EPB41L3: variants seen among roughly 807,000 people sequenced by gnomAD.
The protein encoded by EPB41L3 is erythrocyte membrane protein band 4.1 like 3.
EPB41L3 carries 57 observed loss-of-function variants against 127.1 expected under a neutral mutation model. The ratio of observed to expected loss-of-function variants is 0.45; its 90% CI spans 0.36 to 0.56. EPB41L3 has a LOEUF of 0.56. EPB41L3 is among the 20% of genes least tolerant of loss of function. The pLI is 0.00. For synonymous variants in EPB41L3, 572 were observed against 549.5 expected, an observed-to-expected ratio of 1.04 and a Z score of -0.57; for missense variants, 1,273 against 1,372.2, an observed-to-expected ratio of 0.93 and a Z score of 1.14.
intron 1 of EPB41L3, among the ~76,000 whole-genome samples, chr18:5,515,278 T>G (rs1175917429): frequency 6.6e-6 from 1 of 152,200 alleles, no homozygotes; most frequent in African/African-American, 2.4e-5. Context: ...CTTTGTAGCA[T>G]TCCCTAAAAA....
chr18:5,604,811 CCTT>C (rs2094631493), intron 3 of EPB41L3, among the ~76,000 whole-genome samples: 1 of 152,104 alleles, frequency 6.6e-6, no homozygotes, highest in Non-Finnish European at 1.5e-5. Context: ...CATTTCCTCT[CCTT>C]ATCCCCTAAT....
chr18:5,410,646 C>A (rs1286835055), intron 13 of EPB41L3, 27 bp from the exon 14 acceptor site: 2 of 1,605,556 alleles, frequency 1.2e-6, no homozygotes, highest in African/African-American at 1.3e-5. Context: ...TGATCAGGTT[C>A]CAGGAGGAAG....
intron 1 of EPB41L3, among the ~76,000 whole-genome samples, chr18:5,628,606 C>T (rs2094950777): frequency 6.6e-6 from 1 of 152,248 alleles, no homozygotes; most frequent in South Asian, 2.1e-4. Context: ...GATTTCGCCT[C>T]CAGCACCTCA....
chr18:5,420,448 C>T (rs558540118), intron 11 of EPB41L3, among the ~76,000 whole-genome samples: 1 of 152,146 alleles, frequency 6.6e-6, no homozygotes, highest in Non-Finnish European at 1.5e-5. Flanking sequence ...TGGGTAATAA[C>T]AAATATTAAC....
At chr18:5,462,631 C>A (rs749511250) in intron 3 of EPB41L3, among the ~76,000 whole-genome samples, 14 of 152,106 alleles carry the variant, frequency 9.2e-5, no homozygotes, top group Non-Finnish European at 1.9e-4. Context: ...TGGGGAAGAA[C>A]CCGAGGGTGG....
At position 5,561,122 on chromosome 18, in the gene EPB41L3, C is replaced by T. The variant is rs559579204; in HGVS notation, c.-306+51218G>A. 2.0e-4 allele frequency among the ~76,000 whole-genome samples: 30 copies of T among 149,284 alleles called. 1 individual carries two copies. Among genetic ancestry groups the T allele is most frequent in the East Asian group, 5.9e-4 (3 of 5,046 alleles). ...CCTCCCGAGTAGCTGGGACTACAGGCGCCCGCCACTACGCCCGGCTAATGT... is the reference window on the plus strand; with the variant it reads ...CCTCCCGAGTAGCTGGGACTACAGGTGCCCGCCACTACGCCCGGCTAATGT... On this transcript the variant is annotated intron_variant, in intron 3 of 21. Transcript: ENST00000545076.
intron 5 of EPB41L3, among the ~76,000 whole-genome samples, chr18:5,439,391 G>C (rs2146065078): frequency 6.6e-6 from 1 of 152,282 alleles, no homozygotes; most frequent in East Asian, 1.9e-4. Context: ...AGAAGGTACA[G>C]TACTGTATTT....
chr18:5,459,818 A>G (rs548451799), intron 3 of EPB41L3, among the ~76,000 whole-genome samples: 1 of 152,376 alleles, frequency 6.6e-6, no homozygotes, highest in South Asian at 2.1e-4. Context: ...TCTAAAATAA[A>G]CTATTATCAT....
At chr18:5,433,810 A>G in intron 7 of EPB41L3, 93 bp downstream of exon 7, 1 of 1,384,686 alleles carries the variant, frequency 7.2e-7, no homozygotes, top group Non-Finnish European at 1.0e-6. Flanking sequence ...CTCGCCGTTA[A>G]TGGACTGAAA....
intron 8 of EPB41L3, among the ~76,000 whole-genome samples, chr18:5,432,058 G>A (rs1445663412): frequency 2.0e-5 from 3 of 152,144 alleles, no homozygotes; most frequent in Non-Finnish European, 4.4e-5. Context: ...TCAGGCCTTG[G>A]AGAGCTCATC....
At chr18:5,443,426 G>C (rs1231417582) in intron 5 of EPB41L3, among the ~76,000 whole-genome samples, 1 of 152,176 alleles carries the variant, frequency 6.6e-6, no homozygotes, top group African/African-American at 2.4e-5. Context: ...GCCTTCAGGG[G>C]ACCAGGAAAA....
At chr18:5,420,026 T>C in intron 11 of EPB41L3, 149 bp from the exon 12 acceptor site, 1 of 1,448,392 alleles carries the variant, frequency 6.9e-7, no homozygotes, top group Non-Finnish European at 9.1e-7. Context: ...AAAAAAAAAA[T>C]ACCAACACAA....
intron 1 of EPB41L3, among the ~76,000 whole-genome samples, chr18:5,517,723 C>A (rs1342831095): frequency 6.6e-6 from 1 of 152,172 alleles, no homozygotes; most frequent in Admixed American, 6.5e-5. Context: ...TAGGTGTGAG[C>A]CACTGCACCT....
chr18:5,544,127 A>AC (rs2093833277), upstream of EPB41L3: 1 of 985,184 alleles, frequency 1.0e-6, no homozygotes, highest in Non-Finnish European at 1.2e-6. Flanking sequence ...AGGAAAGCCA[A>AC]CCTCGTCCTG....
intron 3 of EPB41L3, among the ~76,000 whole-genome samples, chr18:5,577,873 A>G (rs909773354): frequency 3.9e-5 from 6 of 152,230 alleles, no homozygotes; most frequent in African/African-American, 1.4e-4. Flanking sequence ...CAGGATAATT[A>G]TACTGATTTT....
chr18:5,445,919 A>G (rs539815830), intron 3 of EPB41L3, among the ~76,000 whole-genome samples: 10 of 152,292 alleles, frequency 6.6e-5, no homozygotes, highest in African/African-American at 1.9e-4. Flanking sequence ...GTTTCATCCC[A>G]AAACCATCCT....
chr18:5,464,849 G>T (rs2084671687), intron 3 of EPB41L3, among the ~76,000 whole-genome samples: 1 of 152,204 alleles, frequency 6.6e-6, no homozygotes, highest in South Asian at 2.1e-4. Context: ...CGAGGGACTA[G>T]AGATGAAGAA....
At chr18:5,513,685 T>C (rs975008162) in intron 1 of EPB41L3, among the ~76,000 whole-genome samples, 8 of 152,234 alleles carry the variant, frequency 5.3e-5, no homozygotes, top group Non-Finnish European at 7.3e-5. Flanking sequence ...ATTAATCATA[T>C]CAGCAAAATG....
At chr18:5,394,401 A>C in intron 22 of EPB41L3, 1 of 313,488 alleles carries the variant, frequency 3.2e-6, no homozygotes, top group Non-Finnish European at 6.0e-6. Context: ...AGGCCATGGA[A>C]TAAAAGGGAA....
Sources: gnomAD v4.1 joint callset for allele counts (sites outside exome capture counted in the v4.1 genomes callset) on GRCh38, gnomAD v4.1.1 for gene constraint, MANE v1.5 for transcripts, NCBI Gene and HGNC (gene_info 2026-07-23, HGNC 2026-07-21) for gene names.